The following IFT140 variants were observed in gnomAD, a reference collection of about 807,000 sequenced individuals.
IFT140 encodes intraflagellar transport protein 140 homolog.
Under a neutral mutation model 164.6 loss-of-function variants are expected in IFT140, and 133 were observed. The observed-to-expected ratio is 0.81, with a 90% CI of 0.70 to 0.93. The LOEUF is 0.93. IFT140 is among the 40% of genes least tolerant of loss of function. The probability of loss-of-function intolerance (pLI) is 0.00; values close to 1 mark genes in which losing one functional copy is unlikely to be tolerated. For missense variants in IFT140, 2,045 were observed against 1,972.3 expected (o/e 1.04, Z -0.70); for synonymous variants, 860 against 817.3 (o/e 1.05, Z -0.89).
Position 1,562,065 on chromosome 16 carries a change from G to A in IFT140, c.2119C>T (p.Leu707Phe), listed in dbSNP as rs141172132. 10 of 1,612,102 alleles carry A rather than the reference G, an allele frequency of 6.2e-6. No homozygotes were observed. In the African/African-American group the frequency reaches 1.1e-4, roughly 17 times the overall value. The change falls in exon 18 of 31, where the codon CTT becomes TTT. Residue 707 changes from leucine (L) to phenylalanine (F), a missense_variant. By Grantham distance (22) the Leu-to-Phe change is conservative (BLOSUM62 0). Transcript: ENST00000426508. ...FFISEEHGFL[L>F]HESFPRPATS... is the part of the protein sequence containing the mutation. ...GCAGGCCGGGGGAAGCTCTCATGAA[G>A]CAGGAAGCCGTGCTCTTCGGAAATG... is the stretch of plus-strand genomic sequence containing the variant.
chr16:1,524,144 TG>T (rs2040604086), intron 24 of IFT140, 188 bp from the exon 25 acceptor site: 1 of 755,730 alleles, frequency 1.3e-6, no homozygotes, highest in Non-Finnish European at 2.1e-6. Flanking sequence ...TCCGATGCTC[TG>T]GGTTCTATTT....
rs778436557 is a variant in IFT140 at position 1,525,304 on chromosome 16, G to A, written c.2791C>T (p.Arg931Cys). 2.3e-5 allele frequency: 37 copies of A among 1,612,280 alleles called. No homozygotes were observed. Among genetic ancestry groups the A allele is most frequent in the East Asian group, 1.3e-4 (6 of 44,884 alleles). ...GACAGCATCCTGGGCACCTCGAAGCGGTGCGTGTCCGACTTCTCGTAGCTG... is the reference window on the plus strand; with the variant it reads ...GACAGCATCCTGGGCACCTCGAAGCAGTGCGTGTCCGACTTCTCGTAGCTG... ...LSYYEKSDTH[R>C]FEVPRMLSED... The change falls in exon 22 of 31, where the codon CGC becomes TGC. Residue 931 changes from arginine (R) to cysteine (C), a missense_variant. Transcript: ENST00000426508.
intron 24 of IFT140, chr16:1,524,336 C>G: frequency 3.0e-6 from 2 of 668,578 alleles, no homozygotes; most frequent in Non-Finnish European, 4.9e-6. Context: ...TGGGAAACAT[C>G]TGGGGACAAT....
chr16:1,596,747 C>T (rs1424965355), intron 4 of IFT140, among the ~76,000 whole-genome samples: 1 of 152,144 alleles, frequency 6.6e-6, no homozygotes, highest in Non-Finnish European at 1.5e-5. Flanking sequence ...TAGAACTGAG[C>T]CCGAGGCGCC....
chr16:1,573,817 C>T (rs1028360142), intron 13 of IFT140, among the ~76,000 whole-genome samples: 2 of 152,106 alleles, frequency 1.3e-5, no homozygotes, highest in African/African-American at 2.4e-5. Context: ...CTCCCCACTA[C>T]GCTGGCACAG....
intron 7 of IFT140, among the ~76,000 whole-genome samples, chr16:1,588,939 A>T (rs1299812342): frequency 6.6e-6 from 1 of 152,060 alleles, no homozygotes; most frequent in Admixed American, 6.5e-5. Flanking sequence ...CCCTGTGGGG[A>T]CACCGGGAAG....
Position 1,553,308 on chromosome 16 carries a change from CTGTCTCTG to C in IFT140, c.2399+4619_2399+4626del. The C allele has an allele frequency of 1.0e-6, 1 of 984,622 alleles. No individual in the cohort carries two copies. Among genetic ancestry groups the C allele is most frequent in the Non-Finnish European group, 1.2e-6 (1 of 829,284 alleles). The allele number at this position is 984,622 out of a possible 1,614,324, so 61.0% of individuals were successfully genotyped here. On this transcript the variant is annotated intron_variant, in intron 19 of 30. Transcript: ENST00000426508. The surrounding 1 kb of genome is among the most constrained non-coding windows in gnomAD (Gnocchi z 4.4). The stretch of plus-strand genomic sequence containing the variant: ...TGTCTCTGCCTGTCTCTCTGTGTCT[CTGTCTCTG>C]TGTCTCTGTCCCTGTGTCTCTTTTT...
intron 19 of IFT140, among the ~76,000 whole-genome samples, chr16:1,542,902 G>A (rs775602157): frequency 1.9e-4 from 29 of 152,254 alleles, no homozygotes; most frequent in Non-Finnish European, 3.1e-4. Flanking sequence ...GCGTCATAGA[G>A]GGTGACAGTG....
chr16:1,583,352 G>A lies in IFT140; in HGVS notation c.1394C>T (p.Ala465Val), dbSNP rs755802373. Residue 465 changes from alanine (A) to valine (V), a missense_variant, in exon 12 of 31, where the codon GCG becomes GTG. By Grantham distance (64) the Ala-to-Val change is moderately conservative. Coordinates refer to ENST00000426508, the MANE Select transcript of IFT140 (RefSeq NM_014714.4). Reference protein sequence around the residue: ...AVAVWNGRQVAIFELSGAAIR... With the variant: ...AVAVWNGRQVVIFELSGAAIR... ...CGCGGCTCCAGAAAGCTCGAAGATC[G>A]CCACCTGCCTTCCGTTCCAGACTGC... is the stretch of plus-strand genomic sequence containing the variant. 9.9e-6 allele frequency: 16 copies of A among 1,613,960 alleles called. No homozygotes were observed. Among genetic ancestry groups the A allele is most frequent in the African/African-American group, 2.7e-5 (2 of 74,884 alleles).
chr16:1,546,587 C>T (rs1011719719), intron 19 of IFT140, among the ~76,000 whole-genome samples: 1 of 152,210 alleles, frequency 6.6e-6, no homozygotes, highest in African/African-American at 2.4e-5. Flanking sequence ...AGGCCCGAGG[C>T]GCATCCCACG....
At chr16:1,592,088 T>C (rs1596436621) in intron 6 of IFT140, 88 bp downstream of exon 6, 3 of 1,424,766 alleles carry the variant, frequency 2.1e-6, no homozygotes, top group Non-Finnish European at 2.9e-6. Flanking sequence ...TACTGTTCTA[T>C]GCAGAAACGC....
rs748452700 is a variant in IFT140, at chr16:1,584,177, TTCTG to T, written c.1359+36_1359+39del. The T allele has an allele frequency of 8.2e-6, 13 of 1,581,560 alleles. No individual in the cohort carries two copies. The East Asian group carries it at 2.5e-4, about 31-fold the overall frequency. Reference sequence around the variant, plus strand: ...GAACTACCTGGCCATGGGGCAGTTCTTCTGTCTGTGTCCCACCCACGGGTCCCCT... The same window carrying T: ...GAACTACCTGGCCATGGGGCAGTTCTTCTGTGTCCCACCCACGGGTCCCCT... On this transcript the variant is annotated intron_variant, in intron 11 of 30. Transcript: ENST00000426508.
At chr16:1,571,941 G>T (rs2034037627) in intron 13 of IFT140, among the ~76,000 whole-genome samples, 1 of 152,200 alleles carries the variant, frequency 6.6e-6, no homozygotes, top group Admixed American at 6.5e-5. Flanking sequence ...AGCTCTGGGG[G>T]GCCCTGTCTG....
intron 3 of IFT140, among the ~76,000 whole-genome samples, chr16:1,605,601 T>A (rs1192786558): frequency 6.6e-6 from 1 of 152,088 alleles, no homozygotes; most frequent in Non-Finnish European, 1.5e-5. Context: ...AGACGGGGTT[T>A]CACCGTGTTA....
chr16:1,582,010 C>T (rs146770766), intron 12 of IFT140, among the ~76,000 whole-genome samples: 75 of 152,146 alleles, frequency 4.9e-4, no homozygotes, highest in Non-Finnish European at 8.2e-4. Flanking sequence ...AGGGGGCAAC[C>T]GCCCTGGGAA....
At chr16:1,511,262 C>T (rs954566230) in intron 30 of IFT140, 112 bp from the exon 31 acceptor site, 36 of 937,302 alleles carry the variant, frequency 3.8e-5, no homozygotes, top group Non-Finnish European at 5.0e-5. Flanking sequence ...GGTGCCTCCG[C>T]GCTGGAGGAC....
In IFT140 at chr16:1,564,569, C is replaced by T. The variant is rs1361509924; in HGVS notation, c.1902-407G>A. 6.6e-6 allele frequency among the ~76,000 whole-genome samples: 1 copy of T among 152,200 alleles called. No individual in the cohort carries two copies. The highest frequency in any genetic ancestry group is 2.4e-5 in the African/African-American group (1 of 41,450). ...GGTCATGCCGGGTTCCTTGTCCCCA[C>T]CGGTCCCTGTGCCATGCTGCCCCTT... is the stretch of plus-strand genomic sequence containing the variant. On this transcript the variant is annotated intron_variant, in intron 16 of 30. Transcript: ENST00000426508. This position sits in a 1 kb window ranked among gnomAD's most constrained non-coding sequence, Gnocchi z 5.5.
chr16:1,580,671 G>A, intron 13 of IFT140, 88 bp downstream of exon 13: 6 of 870,906 alleles, frequency 6.9e-6, no homozygotes, highest in Non-Finnish European at 9.7e-6. Context: ...AATAACCTTA[G>A]GTGAAATCAA....
At chr16:1,586,050 C>T (rs781010091) in intron 10 of IFT140, 80 bp downstream of exon 10, 159 of 1,556,186 alleles carry the variant, frequency 1.0e-4, no homozygotes, top group Non-Finnish European at 1.3e-4. Context: ...GGATTACAGG[C>T]GTGAGCCACC....
Sources: allele counts gnomAD v4.1 joint callset (sites outside exome capture counted in the v4.1 genomes callset), GRCh38; gene constraint gnomAD v4.1.1; non-coding constraint Gnocchi (gnomAD v3.1); transcripts MANE v1.5; gene names NCBI Gene and HGNC (gene_info 2026-07-23, HGNC 2026-07-21).